The following MCF2 variants were observed in gnomAD, a reference collection of about 807,000 sequenced individuals.
MCF2 encodes MCF.2 cell line derived transforming sequence, also known as proto-oncogene DBL.
MCF2 carries 44 observed loss-of-function variants against 82.5 expected under a neutral mutation model. The ratio of observed to expected loss-of-function variants is 0.53; its 90% CI spans 0.42 to 0.69. The LOEUF is 0.69. MCF2 is among the 30% of genes least tolerant of loss of function. The pLI, the probability that MCF2 is intolerant of heterozygous loss-of-function variation, is 0.00. For synonymous variants in MCF2, 217 were observed against 224.9 expected, an observed-to-expected ratio of 0.96 and a Z score of 0.32; for missense variants, 623 against 663.1, an observed-to-expected ratio of 0.94 and a Z score of 0.66.
exon 19 of MCF2, chrX:139,596,623 A>G: frequency 8.3e-7 from 1 of 1,210,799 alleles, no homozygotes; most frequent in African/African-American, 1.7e-5. Context: ...CTTTTGCAAA[A>G]AACAATGGCT....
At position 139,631,392 on chromosome X, in the gene MCF2, T is replaced by C. The variant is rs1932922548; in HGVS notation, c.288+3A>G. 1.8e-6 allele frequency: 2 copies of C among 1,137,573 alleles called. No individual in the cohort carries two copies. Among genetic ancestry groups the C allele is most frequent in the Non-Finnish European group, 2.4e-6 (2 of 830,488 alleles). The allele number at this position is 1,137,573 out of a possible 1,213,427, so 93.7% of individuals were successfully genotyped here. Reference sequence around the variant, plus strand: ...CTCTACAGTAAGGGCAAAGACAACATACATTTCTGAAGATGATCCATTCAC... The same window carrying C: ...CTCTACAGTAAGGGCAAAGACAACACACATTTCTGAAGATGATCCATTCAC... On this transcript the variant is annotated splice_donor_region_variant and intron_variant, in intron 3 of 24. Transcript: ENST00000370576.
chrX:139,603,981 T>A (rs1930770600), intron 15 of MCF2, among the ~76,000 whole-genome samples: 1 of 112,469 alleles, frequency 8.9e-6, no homozygotes, highest in Non-Finnish European at 1.9e-5. Flanking sequence ...CAATCACCTC[T>A]ATTGAATTAA....
At chrX:139,588,878 C>T (rs762036470) in intron 20 of MCF2, among the ~76,000 whole-genome samples, 1 of 107,430 alleles carries the variant, frequency 9.3e-6, no homozygotes. Flanking sequence ...TGAAGTGAGC[C>T]GAGATCACAC....
chrX:139,590,777 G>GC (rs1360534368), intron 19 of MCF2, among the ~76,000 whole-genome samples: 2 of 109,909 alleles, frequency 1.8e-5, no homozygotes, highest in Non-Finnish European at 3.8e-5. Context: ...CTAGTTATGA[G>GC]CCCCCCAAAT....
intron 19 of MCF2, among the ~76,000 whole-genome samples, chrX:139,596,217 T>C (rs1208905209): frequency 9.0e-6 from 1 of 111,360 alleles, no homozygotes; most frequent in Non-Finnish European, 1.9e-5. Flanking sequence ...CTCCACCCAG[T>C]GTCACTCGAA....
intron 1 of MCF2, among the ~76,000 whole-genome samples, chrX:139,633,730 T>C (rs1052815055): frequency 9.0e-6 from 1 of 111,350 alleles, no homozygotes; most frequent in African/African-American, 3.3e-5. Flanking sequence ...ATTTGCATTT[T>C]AGAAAGATCA....
intron 6 of MCF2, among the ~76,000 whole-genome samples, chrX:139,620,023 G>A (rs1264678264): frequency 2.0e-5 from 2 of 99,685 alleles, no homozygotes; most frequent in African/African-American, 8.1e-5. Flanking sequence ...GTGTGTGTGT[G>A]TGTGTATATA....
intron 19 of MCF2, among the ~76,000 whole-genome samples, chrX:139,594,954 C>T (rs1318559557): frequency 9.0e-6 from 1 of 111,194 alleles, no homozygotes; most frequent in Non-Finnish European, 1.9e-5. Flanking sequence ...GACATTTATG[C>T]AGCCAAAAAA....
intron 19 of MCF2, among the ~76,000 whole-genome samples, chrX:139,593,371 C>A (rs751858166): frequency 2.1e-4 from 23 of 111,130 alleles, no homozygotes. Flanking sequence ...CAATAACAGG[C>A]TCTGAAATTG....
intron 20 of MCF2, among the ~76,000 whole-genome samples, chrX:139,588,921 C>T (rs1299723431): frequency 9.3e-6 from 1 of 107,802 alleles, no homozygotes; most frequent in Admixed American, 1.0e-4. Context: ...CAGGGTGAGA[C>T]GCTGTCTCAA....
chrX:139,629,582 A>G (rs1932853936), intron 4 of MCF2, 113 bp downstream of exon 7: 9 of 680,421 alleles, frequency 1.3e-5, no homozygotes, highest in South Asian at 6.4e-5. Context: ...AATATATTAC[A>G]TAAATGTCTT....
In MCF2 at chrX:139,592,847, T is replaced by C. The variant is rs769790822; in HGVS notation, c.2278-2920A>G. Among the ~76,000 whole-genome samples the C allele has an allele frequency of 1.3e-4, 14 of 111,861 alleles. No individual in the cohort carries two copies. In the South Asian group the frequency reaches 2.2e-3, roughly 18 times the overall value. ...GGGCAGGAACCTTGTTGGGAACAAC[T>C]AGGGGCTGCTGATCCTATGGGAAGA... On this transcript the variant is annotated intron_variant, in intron 19 of 24. Coordinates refer to ENST00000370576, the Ensembl canonical transcript of MCF2.
In MCF2 at chrX:139,629,861, ATTACT is replaced by A; in HGVS notation, c.289-22_289-18del. ...TTCTATAGCCTGCAAAGAGCCGGTG[ATTACT>A]TTAATTATATGGTCACTCTGTGAGC... is the stretch of plus-strand genomic sequence containing the variant. On this transcript the variant is annotated intron_variant, in intron 3 of 24. Coordinates refer to ENST00000370576, the Ensembl canonical transcript of MCF2. The A allele has an allele frequency of 7.6e-6, 9 of 1,188,259 alleles. No individual in the cohort carries two copies. Among genetic ancestry groups the A allele is most frequent in the Non-Finnish European group, 1.0e-5 (9 of 877,639 alleles).
At chrX:139,667,240 A>G (rs1438703700) in intron 1 of MCF2, among the ~76,000 whole-genome samples, 1 of 104,177 alleles carries the variant, frequency 9.6e-6, no homozygotes, top group Non-Finnish European at 2.0e-5. Flanking sequence ...TTACCCAGAT[A>G]GAACTACAGG....
chrX:139,673,022 G>C (rs185203901), intron 1 of MCF2, among the ~76,000 whole-genome samples: 1,160 of 111,430 alleles, frequency 0.01, 5 homozygotes, highest in Middle Eastern at 0.023. Flanking sequence ...AGAGATTCAA[G>C]TTCTTCCTGG....
At chrX:139,670,070 C>G (rs1934637502) in intron 1 of MCF2, among the ~76,000 whole-genome samples, 1 of 111,146 alleles carries the variant, frequency 9.0e-6, no homozygotes, top group African/African-American at 3.3e-5. Context: ...TAAGCCATTA[C>G]CAAAAAGCTC....
At chrX:139,607,757 T>C in exon 12 of MCF2, 1 of 1,200,501 alleles carries the variant, frequency 8.3e-7, no homozygotes. Flanking sequence ...TCTCTTCTCC[T>C]GACAATCAGG....
At chrX:139,669,131 G>T (rs78160467) in intron 1 of MCF2, among the ~76,000 whole-genome samples, 2 of 111,684 alleles carry the variant, frequency 1.8e-5, no homozygotes, top group Non-Finnish European at 3.8e-5. Context: ...TTTGCAAATC[G>T]TATATCTGAT....
At chrX:139,642,869 C>A (rs1002922345) in exon 1 of MCF2, 5 of 887,006 alleles carry the variant, frequency 5.6e-6, no homozygotes, top group African/African-American at 2.1e-5. Context: ...GAAAAAAAAA[C>A]CAGCTCTCTT....
Sources: allele counts gnomAD v4.1 joint callset (sites outside exome capture counted in the v4.1 genomes callset), GRCh38; gene constraint gnomAD v4.1.1; transcripts MANE v1.5; gene names NCBI Gene and HGNC (gene_info 2026-07-23, HGNC 2026-07-21).